The following ACTR3C variants were observed in gnomAD, a reference collection of about 807,000 sequenced individuals.
ACTR3C encodes the protein actin-related protein 3C.
Under a neutral mutation model 26.3 loss-of-function variants are expected in ACTR3C, and 18 were observed. The observed-to-expected ratio is 0.68, with a 90% CI of 0.47 to 1.01. ACTR3C has a LOEUF of 1.01. Among genes scored for constraint, ACTR3C ranks in the 50% least tolerant of loss-of-function variants. The probability of loss-of-function intolerance (pLI) is 0.00; values close to 1 mark genes in which losing one functional copy is unlikely to be tolerated. For synonymous variants in ACTR3C, 55 were observed against 94.5 expected (o/e 0.58, Z 2.42); for missense variants, 184 against 250.7 (o/e 0.73, Z 1.80).
At chr7:150,304,403 G>A (rs564736252) in intron 1 of ACTR3C, among the ~76,000 whole-genome samples, 23 of 152,178 alleles carry the variant, frequency 1.5e-4, no homozygotes, top group Admixed American at 1.1e-3. Context: ...TCATGTATTC[G>A]TAGGTTCATC....
the ACTR3C span, among the ~76,000 whole-genome samples, chr7:150,148,368 T>G: frequency 6.6e-6 from 1 of 151,956 alleles, no homozygotes; most frequent in African/African-American, 2.4e-5. Flanking sequence ...TCCCAGCTAC[T>G]TGGGAGGCTG....
the ACTR3C span, among the ~76,000 whole-genome samples, chr7:150,155,395 C>T: frequency 6.6e-6 from 1 of 152,046 alleles, no homozygotes; most frequent in African/African-American, 2.4e-5. Flanking sequence ...TATAAAATCT[C>T]ATCATCTGTG....
At chr7:150,007,692 G>A in the ACTR3C span, among the ~76,000 whole-genome samples, 56 of 151,984 alleles carry the variant, frequency 3.7e-4, no homozygotes, top group East Asian at 1.7e-3. Context: ...TGTGGGTCAC[G>A]GATGTTGTCA....
At chr7:150,155,421 T>G in the ACTR3C span, among the ~76,000 whole-genome samples, 2 of 152,118 alleles carry the variant, frequency 1.3e-5, no homozygotes, top group African/African-American at 2.4e-5. Flanking sequence ...TGAGAATTCA[T>G]GTAAAGAATC....
the ACTR3C span, among the ~76,000 whole-genome samples, chr7:150,045,426 G>T: frequency 6.6e-6 from 1 of 152,252 alleles, no homozygotes; most frequent in Admixed American, 6.5e-5. Flanking sequence ...AAGGACATAT[G>T]TGCAATGCAT....
chr7:149,999,074 G>A, the ACTR3C span, among the ~76,000 whole-genome samples: 3 of 150,662 alleles, frequency 2.0e-5, no homozygotes, highest in South Asian at 2.2e-4. Flanking sequence ...CTAGCTGCGT[G>A]CTCCTGGAAG....
chr7:150,227,190 A>G, the ACTR3C span, among the ~76,000 whole-genome samples: 1 of 151,514 alleles, frequency 6.6e-6, no homozygotes, highest in African/African-American at 2.4e-5. Context: ...GCAACATGTT[A>G]TTATCAGGTG....
chr7:150,057,276 C>CTTTTT, the ACTR3C span, among the ~76,000 whole-genome samples: 79 of 113,806 alleles, frequency 6.9e-4, no homozygotes, highest in African/African-American at 1.1e-3. Flanking sequence ...GGAATAGGTC[C>CTTTTT]TTTTTTTTTT....
At chr7:150,169,388 G>A in the ACTR3C span, among the ~76,000 whole-genome samples, 158 of 120,046 alleles carry the variant, frequency 1.3e-3, no homozygotes, top group South Asian at 2.1e-3. Flanking sequence ...ATTTCAAAAG[G>A]AAAAAAAAAA....
the ACTR3C span, among the ~76,000 whole-genome samples, chr7:150,038,628 G>C: frequency 5.3e-4 from 77 of 145,580 alleles, 10 homozygotes; most frequent in African/African-American, 1.7e-3. Flanking sequence ...CCCGAGCTGC[G>C]TTCGGACCCG....
At chr7:150,165,773 C>T in the ACTR3C span, among the ~76,000 whole-genome samples, 12,613 of 146,344 alleles carry the variant, frequency 0.086, 2,582 homozygotes, top group African/African-American at 0.33. Context: ...CCTGCTCTCC[C>T]TCTACCTCTG....
chr7:150,007,426 C>T, the ACTR3C span, among the ~76,000 whole-genome samples: 2 of 152,206 alleles, frequency 1.3e-5, no homozygotes, highest in African/African-American at 4.8e-5. Flanking sequence ...GTGGACAGGG[C>T]TTAGGATGCT....
downstream of ACTR3C, among the ~76,000 whole-genome samples, chr7:150,241,185 T>C (rs946632657): frequency 1.2e-4 from 19 of 152,142 alleles, no homozygotes; most frequent in African/African-American, 4.3e-4. Context: ...AAAGAACATA[T>C]AAAATACAAA....
chr7:150,040,752 C>T, the ACTR3C span: 34 of 146,960 alleles, frequency 2.3e-4, 1 homozygote, highest in Admixed American at 9.4e-4. Flanking sequence ...CGATGGGCGT[C>T]CTAAGCCAGT....
chr7:150,029,396 T>G, the ACTR3C span, among the ~76,000 whole-genome samples: 2 of 43,780 alleles, frequency 4.6e-5, no homozygotes, highest in African/African-American at 1.2e-4. Flanking sequence ...TCAATCTTTA[T>G]CAAAAACAAA....
At chr7:150,024,690 G>C in the ACTR3C span, among the ~76,000 whole-genome samples, 4 of 135,268 alleles carry the variant, frequency 3.0e-5, no homozygotes, top group African/African-American at 1.1e-4. Context: ...CCACACTTGC[G>C]TGCAAGAGCC....
the ACTR3C span, among the ~76,000 whole-genome samples, chr7:149,907,609 T>G: frequency 8.3e-4 from 126 of 151,150 alleles, 1 homozygote; most frequent in African/African-American, 2.9e-3. Context: ...AAGGTTCTGA[T>G]AGCTGCAGTC....
At chr7:149,921,740 G>A in the ACTR3C span, among the ~76,000 whole-genome samples, 2 of 152,052 alleles carry the variant, frequency 1.3e-5, no homozygotes, top group Non-Finnish European at 2.9e-5. Flanking sequence ...AGCCAGGCAT[G>A]GTAGCAGGCA....
intron 1 of ACTR3C, among the ~76,000 whole-genome samples, chr7:150,314,974 A>C (rs1299232921): frequency 1.4e-5 from 2 of 147,746 alleles, no homozygotes; most frequent in East Asian, 1.9e-4. Flanking sequence ...AATAATAAAT[A>C]GTATTATTTT....
Sources: gnomAD v4.1 joint callset for allele counts (sites outside exome capture counted in the v4.1 genomes callset) on GRCh38, gnomAD v4.1.1 for gene constraint, MANE v1.5 for transcripts, NCBI Gene and HGNC (gene_info 2026-07-23, HGNC 2026-07-21) for gene names.